The following AP5B1 variants were observed in gnomAD, a reference collection of about 807,000 sequenced individuals.
The protein encoded by AP5B1 is adaptor related protein complex 5 subunit beta 1, also known as AP-5 complex subunit beta-1.
A neutral mutation model predicts 5.7 loss-of-function variants in AP5B1; 3 were observed. The ratio of observed to expected loss-of-function variants is 0.53; its 90% CI spans 0.24 to 1.36. The LOEUF (loss-of-function observed/expected upper bound fraction) is 1.36, where lower values mean the gene tolerates loss of function less well. AP5B1 is among the 40% of genes most tolerant of loss of function. AP5B1 has a pLI of 0.17. For synonymous variants in AP5B1, 696 were observed against 555.5 expected (o/e 1.25, Z -3.56); for missense variants, 1,310 against 1,143.2 (o/e 1.15, Z -2.10).
chr11:65,774,295 A>G lies in AP5B1; in HGVS notation c.*3561T>C, dbSNP rs574739951. Among the ~76,000 whole-genome samples, 15 of 152,382 alleles carry G rather than the reference A, an allele frequency of 9.8e-5. No individual in the cohort carries two copies. The highest frequency in any genetic ancestry group is 2.6e-4 in the African/African-American group (11 of 41,596). On this transcript the variant is annotated 3_prime_UTR_variant, in exon 2 of 2. Transcript: ENST00000532090. ...CGTATCCAGGTGAGATTATGACTCA[A>G]CTATTTAGCACCTCCATCTCAACAT... is the stretch of plus-strand genomic sequence containing the variant.
In AP5B1 at chr11:65,779,079, C is replaced by G; in HGVS notation, c.1414G>C (p.Val472Leu). 1 of 1,608,510 alleles carries G rather than the reference C, an allele frequency of 6.2e-7. No homozygotes were observed. Among genetic ancestry groups the G allele is most frequent in the Non-Finnish European group, 8.5e-7 (1 of 1,177,954 alleles). ...GGTTGCCCAGCCAGGCAGCAGGCCA[C>G]CAGATACGAGGCCTGGAAGCAGAGA... ...ATLCFQASYL[V>L]ACCLAGQPTV... Residue 472 changes from valine to leucine, a missense_variant, in exon 2 of 2, where the codon GTG becomes CTG. Physicochemically the swap from Val to Leu is conservative, Grantham distance 32. Coordinates refer to ENST00000532090, the MANE Select transcript of AP5B1 (RefSeq NM_138368.5).
At position 65,780,613 on chromosome 11, in the gene AP5B1, C is replaced by A; in HGVS notation, c.-22G>T. On this transcript the variant is annotated 5_prime_UTR_variant, in exon 1 of 2. Transcript: ENST00000532090. ...CCATGGTGAGGCGCGCGGGCCCCTG[C>A]GCAGGGAAGAGGGACCCTCAGGCCG... The A allele has an allele frequency of 7.2e-7, 1 of 1,386,842 alleles. No homozygotes were observed. Among genetic ancestry groups the A allele is most frequent in the Non-Finnish European group, 9.3e-7 (1 of 1,071,788 alleles). The allele number at this position is 1,386,842 out of a possible 1,614,324, so 85.9% of individuals were successfully genotyped here. A position where few individuals can be genotyped will look rare whatever the true frequency, so the allele number is the denominator to read the frequency against.
In AP5B1 at chr11:65,778,699, C is replaced by T; in HGVS notation, c.1794G>A (p.Val598=). 6.3e-7 allele frequency: 1 copy of T among 1,580,396 alleles called. No individual in the cohort carries two copies. Among genetic ancestry groups the T allele is most frequent in the Non-Finnish European group, 8.6e-7 (1 of 1,166,408 alleles). The change falls in exon 2 of 2, where the codon GTG becomes GTA. Residue 598 remains valine (V), a synonymous_variant. Transcript: ENST00000532090. ...VRGGLVDLLQ[V]LARQLEDPDG... ...CAGGGTCCTCCAGCTGCCTGGCCAG[C>T]ACCTGCAGCAAGTCGACCAGGCCGC...
chr11:65,778,731 C>T lies in AP5B1; in HGVS notation c.1762G>A (p.Val588Met). The change falls in exon 2 of 2, where the codon GTG becomes ATG. Residue 588 changes from valine (V) to methionine (M), a missense_variant. Physicochemically the swap from Val to Met is conservative, Grantham distance 21 (BLOSUM62 1). Transcript: ENST00000532090. ...AGCAAGTCGACCAGGCCGCCCCTCA[C>T]CCCTGCCCGCAGCAGCGCCCGGCAG... ...RVCRALLRAG[V>M]RGGLVDLLQV... The T allele has an allele frequency of 6.2e-7, 1 of 1,602,036 alleles. No homozygotes were observed. Among genetic ancestry groups the T allele is most frequent in the South Asian group, 1.1e-5 (1 of 89,860 alleles).
Position 65,779,444 on chromosome 11 carries a change from C to T in AP5B1, c.1049G>A (p.Arg350Gln), listed in dbSNP as rs980653541. 4 of 1,607,110 alleles carry T rather than the reference C, an allele frequency of 2.5e-6. No homozygotes were observed. The highest frequency in any genetic ancestry group is 3.4e-6 in the Non-Finnish European group (4 of 1,177,354). Residue 350 changes from arginine (R) to glutamine (Q), a missense_variant, in exon 2 of 2, where the codon CGG becomes CAG. Coordinates refer to ENST00000532090, the MANE Select transcript of AP5B1 (RefSeq NM_138368.5). ...TAQDEALLLRRLTLAAQHPAL... is the reference protein window; with the variant it reads ...TAQDEALLLRQLTLAAQHPAL... ...AGGGTGCTGGGCAGCCAAGGTGAGC[C>T]GGCGGAGCAGCAACGCTTCATCCTG...
chr11:65,774,594 GA>G lies in AP5B1; in HGVS notation c.*3261del, dbSNP rs1339253160. Among the ~76,000 whole-genome samples, 2 of 152,228 alleles carry G rather than the reference GA, an allele frequency of 1.3e-5. No individual in the cohort carries two copies. Among genetic ancestry groups the G allele is most frequent in the African/African-American group, 4.8e-5 (2 of 41,538 alleles). On this transcript the variant is annotated 3_prime_UTR_variant, in exon 2 of 2. Coordinates refer to ENST00000532090, the MANE Select transcript of AP5B1 (RefSeq NM_138368.5). ...CCGGCTAATTTTTGGATTTTTAGTA[GA>G]GACGGGTTTCACCATGTTGGCCAGG...
Position 65,774,412 on chromosome 11 carries a change from A to G in AP5B1, c.*3444T>C, listed in dbSNP as rs1283204553. 2.0e-5 allele frequency among the ~76,000 whole-genome samples: 3 copies of G among 151,830 alleles called. No homozygotes were observed. Among genetic ancestry groups the G allele is most frequent in the African/African-American group, 7.3e-5 (3 of 41,324 alleles). ...TTTGCCCCAAAACTGACCCCTTCAC[A>G]TTTCTTTTTTCTTTTTTGAGACGGA... On this transcript the variant is annotated 3_prime_UTR_variant, in exon 2 of 2. Transcript: ENST00000532090.
At position 65,779,399 on chromosome 11, in the gene AP5B1, T is replaced by C. The variant is rs780092460; in HGVS notation, c.1094A>G (p.His365Arg). The change falls in exon 2 of 2, where the codon CAT becomes CGT. Residue 365 changes from histidine to arginine, a missense_variant. By Grantham distance (29) the His-to-Arg change is conservative. Coordinates refer to ENST00000532090, the MANE Select transcript of AP5B1 (RefSeq NM_138368.5). ...CAGGACGCAGTGAAGGTAAAAGAGA[T>C]GGGTGGGCGGAGGCAGAGCAGGGTG... is the stretch of plus-strand genomic sequence containing the variant. ...AQHPALPPPTHLFYLHCVLSF... is the reference protein window; with the variant it reads ...AQHPALPPPTRLFYLHCVLSF... 1.2e-6 allele frequency: 2 copies of C among 1,603,926 alleles called. No individual in the cohort carries two copies. The highest frequency in any genetic ancestry group is 1.7e-6 in the Non-Finnish European group (2 of 1,174,826).
chr11:65,780,731 TC>T lies in AP5B1; in HGVS notation c.-141del. 1 of 918,806 alleles carries T rather than the reference TC, an allele frequency of 1.1e-6. No individual in the cohort carries two copies. The highest frequency in any genetic ancestry group is 1.4e-6 in the Non-Finnish European group (1 of 699,410). The allele number at this position is 918,806 out of a possible 1,614,324, so 56.9% of individuals were successfully genotyped here. ...GATGCCGGCGGGACCCGCGCCCGGC[TC>T]CCACGGTGAGACCAGGGCTCTCGGG... On this transcript the variant is annotated 5_prime_UTR_variant, in exon 1 of 2. Transcript: ENST00000532090.
At position 65,775,694 on chromosome 11, in the gene AP5B1, C is replaced by T. The variant is rs940681450; in HGVS notation, c.*2162G>A. Among the ~76,000 whole-genome samples the T allele has an allele frequency of 3.3e-5, 5 of 152,296 alleles. No individual in the cohort carries two copies. In the South Asian group the frequency reaches 1.0e-3, roughly 32 times the overall value. ...CTGGAGGCGACTTCTCCAGCCTTCC[C>T]ATGTACTTTAAGTACCCTGATTCCC... is the stretch of plus-strand genomic sequence containing the variant. On this transcript the variant is annotated 3_prime_UTR_variant, in exon 2 of 2. Transcript: ENST00000532090.
chr11:65,778,270 A>G lies in AP5B1; in HGVS notation c.2223T>C (p.His741=), dbSNP rs771750888. Residue 741 remains histidine, a synonymous_variant, in exon 2 of 2, where the codon CAT becomes CAC. Transcript: ENST00000532090. ...GACCAGTGGATGTGGTGTAAAGGGC[A>G]TGGACATCCAGCCGTGCGGGGGCCG... The part of the protein sequence containing the change: ...RCPAPARLDV[H]ALYTTSTGLT... The G allele has an allele frequency of 1.2e-6, 2 of 1,613,132 alleles. No individual in the cohort carries two copies. The highest frequency in any genetic ancestry group is 1.7e-5 in the Admixed American group (1 of 60,010).
rs767874662 is a variant in AP5B1 at position 65,778,703 on chromosome 11, TGCA to T, written c.1787_1789del (p.Leu596del). Reference sequence around the variant, plus strand: ...GTCCTCCAGCTGCCTGGCCAGCACCTGCAGCAAGTCGACCAGGCCGCCCCTCAC... The same window carrying T: ...GTCCTCCAGCTGCCTGGCCAGCACCTGCAAGTCGACCAGGCCGCCCCTCAC... On this transcript the variant is annotated inframe_deletion, in exon 2 of 2. Transcript: ENST00000532090. 7.6e-6 allele frequency: 12 copies of T among 1,582,608 alleles called. No individual in the cohort carries two copies. In the Middle Eastern group the frequency reaches 5.3e-4, roughly 70 times the overall value.
Position 65,779,114 on chromosome 11 carries a change from G to A in AP5B1, c.1379C>T (p.Ala460Val). Residue 460 changes from alanine (A) to valine (V), a missense_variant, in exon 2 of 2, where the codon GCC (alanine) becomes GTC (valine). Ala to Val is a moderately conservative substitution (Grantham distance 64, BLOSUM62 0). Coordinates refer to ENST00000532090, the MANE Select transcript of AP5B1 (RefSeq NM_138368.5). ...GGCCTGGAAGCAGAGAGTGGCCAAG[G>A]CCCGGGGGCCCCCATCCAGGGCTGC... ...QRAALDGGPR[A>V]LATLCFQASY... 12 of 1,608,352 alleles carry A rather than the reference G, an allele frequency of 7.5e-6. No individual in the cohort carries two copies. The highest frequency in any genetic ancestry group is 1.0e-5 in the Non-Finnish European group (12 of 1,178,074).
chr11:65,779,380 G>C lies in AP5B1; in HGVS notation c.1113C>G (p.Cys371Trp). 1 of 1,598,794 alleles carries C rather than the reference G, an allele frequency of 6.3e-7. No homozygotes were observed. The highest frequency in any genetic ancestry group is 8.5e-7 in the Non-Finnish European group (1 of 1,171,546). Residue 371 changes from cysteine (C) to tryptophan (W), a missense_variant, in exon 2 of 2, where the codon TGC becomes TGG. Coordinates refer to ENST00000532090, the MANE Select transcript of AP5B1 (RefSeq NM_138368.5). ...PPPTHLFYLHCVLSFPENWPL... is the reference protein window; with the variant it reads ...PPPTHLFYLHWVLSFPENWPL... ...GCCAGTTCTCAGGGAAGCTCAGGAC[G>C]CAGTGAAGGTAAAAGAGATGGGTGG... is the stretch of plus-strand genomic sequence containing the variant.
In AP5B1 at chr11:65,777,897, G is replaced by A. The variant is rs577605653; in HGVS notation, c.2596C>T (p.Leu866=). ...AGCCCACGGAGGTAGTCCCCCGCCAGGGGCAGCACGGCCCAGTCATCGGTC... is the reference window on the plus strand; with the variant it reads ...AGCCCACGGAGGTAGTCCCCCGCCAAGGGCAGCACGGCCCAGTCATCGGTC... ...LRTDDWAVLP[L]AGDYLRGLAA... Residue 866 remains leucine (L), a synonymous_variant, in exon 2 of 2, where the codon CTG becomes TTG. Coordinates refer to ENST00000532090, the MANE Select transcript of AP5B1 (RefSeq NM_138368.5). The A allele has an allele frequency of 1.2e-5, 18 of 1,547,542 alleles. No homozygotes were observed. Among genetic ancestry groups the A allele is most frequent in the Non-Finnish European group, 1.4e-5 (16 of 1,145,312 alleles).
chr11:65,779,017 C>T lies in AP5B1; in HGVS notation c.1476G>A (p.Gln492=), dbSNP rs1194786379. 1.9e-6 allele frequency: 3 copies of T among 1,608,782 alleles called. No individual in the cohort carries two copies. The highest frequency in any genetic ancestry group is 2.5e-6 in the Non-Finnish European group (3 of 1,177,770). Residue 492 remains glutamine, a synonymous_variant, in exon 2 of 2, where the codon CAG becomes CAA. Transcript: ENST00000532090. ...VLTPLIHGLA[Q]LYQARPMLAP... is the part of the protein sequence containing the mutation. Reference sequence around the variant, plus strand: ...CCAGCATGGGCCGGGCTTGGTACAGCTGGGCCAGTCCGTGGATCAAGGGGG... The same window carrying T: ...CCAGCATGGGCCGGGCTTGGTACAGTTGGGCCAGTCCGTGGATCAAGGGGG...
rs770741564 is a variant in AP5B1 at position 65,778,284 on chromosome 11, G to A, written c.2209C>T (p.Arg737Trp). ...PLQPRCPAPA[R>W]LDVHALYTTS... ...GTGTAAAGGGCATGGACATCCAGCC[G>A]TGCGGGGGCCGGGCATCGGGGCTGC... The change falls in exon 2 of 2, where the codon CGG becomes TGG. Residue 737 changes from arginine to tryptophan, a missense_variant. Arg to Trp is a moderately radical substitution (Grantham distance 101). Coordinates refer to ENST00000532090, the MANE Select transcript of AP5B1 (RefSeq NM_138368.5). 21 of 1,613,010 alleles carry A rather than the reference G, an allele frequency of 1.3e-5. No homozygotes were observed. The highest frequency in any genetic ancestry group is 8.3e-5 in the Admixed American group (5 of 60,008).
chr11:65,780,418 C>T (rs67995174), intron 1 of AP5B1, 24 bp downstream of exon 1: 1 of 1,481,878 alleles, frequency 6.7e-7, no homozygotes, highest in East Asian at 2.7e-5. Context: ...TGCGGAACGG[C>T]GCAGGGGACG....
rs560905708 is a variant in AP5B1 at position 65,778,992 on chromosome 11, C to A, written c.1501G>T (p.Ala501Ser). 6.8e-6 allele frequency: 11 copies of A among 1,611,788 alleles called. No individual in the cohort carries two copies. In the African/African-American group the frequency reaches 9.3e-5, roughly 14 times the overall value. The change falls in exon 2 of 2, where the codon GCT becomes TCT. Residue 501 changes from alanine (A) to serine (S), a missense_variant. By Grantham distance (99) the Ala-to-Ser change is moderately conservative. Transcript: ENST00000532090. ...TCCAAGAGGTCCACAAAGTGGGGAG[C>A]CAGCATGGGCCGGGCTTGGTACAGC... is the stretch of plus-strand genomic sequence containing the variant. ...AQLYQARPML[A>S]PHFVDLLDQV...
Sources: allele counts gnomAD v4.1 joint callset (sites outside exome capture counted in the v4.1 genomes callset), GRCh38; gene constraint gnomAD v4.1.1; transcripts MANE v1.5; gene names NCBI Gene and HGNC (gene_info 2026-07-23, HGNC 2026-07-21).